COL5A3: variants seen among roughly 807,000 people sequenced by gnomAD.
COL5A3 encodes the protein collagen alpha-3(V) chain.
A neutral mutation model predicts 250.0 loss-of-function variants in COL5A3; 172 were observed. The observed-to-expected ratio is 0.69, with a 90% CI of 0.61 to 0.78. COL5A3 has a LOEUF of 0.78. Among genes scored for constraint, COL5A3 ranks in the 30% least tolerant of loss-of-function variants. COL5A3 has a pLI of 0.00. For missense variants in COL5A3, 2,340 were observed against 2,334.4 expected, an observed-to-expected ratio of 1.00 and a Z score of -0.05; for synonymous variants, 937 against 900.4, an observed-to-expected ratio of 1.04 and a Z score of -0.73.
Position 9,995,580 on chromosome 19 carries a change from C to G in COL5A3, c.1571G>C (p.Gly524Ala). 6.2e-7 allele frequency: 1 copy of G among 1,608,020 alleles called. No homozygotes were observed. Among genetic ancestry groups the G allele is most frequent in the Non-Finnish European group, 8.5e-7 (1 of 1,176,620 alleles). Residue 524 changes from glycine (G) to alanine (A), a missense_variant, in exon 16 of 67, where the codon GGC (glycine) becomes GCC (alanine). Physicochemically the swap from Gly to Ala is moderately conservative, Grantham distance 60. Coordinates refer to ENST00000264828, the MANE Select transcript of COL5A3 (RefSeq NM_015719.4). ...RGLQGPHGPP[G>A]RVGKMGRPGA... is the part of the protein sequence containing the mutation. Reference sequence around the variant, plus strand: ...GTCACTCACCATCTTGCCCACTCGGCCAGGGGGTCCATGAGGTCCCTGCAG... The same window carrying G: ...GTCACTCACCATCTTGCCCACTCGGGCAGGGGGTCCATGAGGTCCCTGCAG...
chr19:9,979,805 A>AT, intron 37 of COL5A3, 34 bp downstream of exon 37: 1 of 1,522,044 alleles, frequency 6.6e-7, no homozygotes, highest in Non-Finnish European at 8.9e-7. Context: ...AAAAAAAAAA[A>AT]GGATCAGGAA....
intron 65 of COL5A3, among the ~76,000 whole-genome samples, chr19:9,961,581 C>T (rs1301984472): frequency 2.2e-5 from 3 of 135,652 alleles, no homozygotes; most frequent in African/African-American, 5.8e-5. Context: ...TTTTTTGAGA[C>T]GGAGTCTTGC....
At chr19:9,975,966 G>A (rs2086914456) in intron 45 of COL5A3, among the ~76,000 whole-genome samples, 1 of 150,686 alleles carries the variant, frequency 6.6e-6, no homozygotes, top group Non-Finnish European at 1.5e-5. Flanking sequence ...ACACGGTTGG[G>A]TCGGGATTGA....
chr19:9,961,083 C>T (rs1345081859), intron 65 of COL5A3, among the ~76,000 whole-genome samples, 193 bp from the exon 66 acceptor site: 1 of 152,166 alleles, frequency 6.6e-6, no homozygotes, highest in African/African-American at 2.4e-5. Flanking sequence ...CTCTGTCCAC[C>T]TCTCCATCCA....
rs2087429162 is a variant in COL5A3 at position 10,005,554 on chromosome 19, C to T, written c.594+4G>A. The T allele has an allele frequency of 6.2e-7, 1 of 1,614,030 alleles. No homozygotes were observed. Among genetic ancestry groups the T allele is most frequent in the South Asian group, 1.1e-5 (1 of 91,088 alleles). On this transcript the variant is annotated splice_donor_region_variant and intron_variant, in intron 4 of 66. Coordinates refer to ENST00000264828, the MANE Select transcript of COL5A3 (RefSeq NM_015719.4). ...CTCAGTTTCCCCCATCACTGAACTC[C>T]TACCTCGAAAGTCTTTTCCCCAAGG... is the stretch of plus-strand genomic sequence containing the variant.
chr19:10,006,979 C>A (rs944345818), intron 1 of COL5A3, among the ~76,000 whole-genome samples: 1 of 151,362 alleles, frequency 6.6e-6, no homozygotes, highest in Non-Finnish European at 1.5e-5. Flanking sequence ...TCAGACTTTG[C>A]CCTCTGACCT....
In COL5A3 at chr19:9,998,002, T is replaced by A; in HGVS notation, c.1182A>T (p.Pro394=). Residue 394 remains proline, a synonymous_variant, in exon 10 of 67, where the codon CCA becomes CCT. Transcript: ENST00000264828. ...GACTTACTTGGGGTCCTGGGGCTCCTGGAGGTCCCTCAAACTGCTGCCCCT... is the reference window on the plus strand; with the variant it reads ...GACTTACTTGGGGTCCTGGGGCTCCAGGAGGTCCCTCAAACTGCTGCCCCT... ...IEKGQQFEGP[P]GAPGPQGVVG... is the part of the protein sequence containing the mutation. 1.2e-6 allele frequency: 2 copies of A among 1,614,084 alleles called. No homozygotes were observed. The highest frequency in any genetic ancestry group is 1.7e-6 in the Non-Finnish European group (2 of 1,180,012).
intron 31 of COL5A3, among the ~76,000 whole-genome samples, chr19:9,982,366 C>A (rs1384803626): frequency 6.6e-6 from 1 of 152,126 alleles, no homozygotes; most frequent in Non-Finnish European, 1.5e-5. Flanking sequence ...TCCTAGGCCT[C>A]CACAAAGTCA....
Position 9,996,498 on chromosome 19 carries a change from A to G in COL5A3, c.1357T>C (p.Ser453Pro). 1 of 1,614,026 alleles carries G rather than the reference A, an allele frequency of 6.2e-7. No individual in the cohort carries two copies. Among genetic ancestry groups the G allele is most frequent in the Non-Finnish European group, 8.5e-7 (1 of 1,179,978 alleles). Residue 453 changes from serine to proline, a missense_variant, in exon 13 of 67, where the codon TCC (serine) becomes CCC (proline). This residue lies in a region of COL5A3 where 1,152 missense variants were observed against 1,146.3 expected (regional missense o/e 1.00). Transcript: ENST00000264828. ...IMMPFQFAGG[S>P]FKGPPVSFQQ... ...AATGAGACTGGGGGGCCTTTAAAGG[A>G]GCCGCCTGCAAACTGGAACTGGGAG...
rs373180563 is a variant in COL5A3 at position 9,962,833 on chromosome 19, G to A, written c.4837C>T (p.Arg1613Cys). The change falls in exon 65 of 67, where the codon CGT becomes TGT. Residue 1613 changes from arginine (R) to cysteine (C), a missense_variant. Around this residue, in one of 3 missense-constraint regions of COL5A3, gnomAD observed 1,179 missense variants for 1,162.6 expected, o/e 1.01. Transcript: ENST00000264828. ...CGGTGACTCACCTTCTTCCCTCGAC[G>A]GAATGTGCTATACCAGCCTCCAGGC... is the stretch of plus-strand genomic sequence containing the variant. ...EKPGGWYSTF[R>C]RGKKFSYVDA... The A allele has an allele frequency of 1.4e-5, 23 of 1,610,494 alleles. No individual in the cohort carries two copies. Among genetic ancestry groups the A allele is most frequent in the Admixed American group, 5.0e-5 (3 of 59,618 alleles).
rs560269596 is a variant in COL5A3, at chr19:9,997,910, C to T, written c.1200+74G>A. The T allele has an allele frequency of 5.8e-6, 9 of 1,544,528 alleles. No individual in the cohort carries two copies. The African/African-American group carries it at 8.2e-5, about 14-fold the overall frequency. ...GGCCAGGCAACATTACACCCCAACT[C>T]CTCACTCCAGGGGATTAAACACCCC... On this transcript the variant is annotated intron_variant, in intron 10 of 66. Coordinates refer to ENST00000264828, the MANE Select transcript of COL5A3 (RefSeq NM_015719.4).
Position 9,968,484 on chromosome 19 carries a change from A to G in COL5A3, c.4215T>C (p.Ile1405=). 4.4e-6 allele frequency: 7 copies of G among 1,585,254 alleles called. No homozygotes were observed. The highest frequency in any genetic ancestry group is 6.0e-6 in the Non-Finnish European group (7 of 1,171,810). ...DTGPKGEKGH[I]GLIGLIGPPG... is the part of the protein sequence containing the mutation. ...GGGGGCCAATGAGACCGATCAATCC[A>G]ATGTGGCCCTGAAGGACAAAAGAGG... is the stretch of plus-strand genomic sequence containing the variant. The change falls in exon 59 of 67, where the codon ATT becomes ATC. Residue 1405 remains isoleucine, a synonymous_variant. Coordinates refer to ENST00000264828, the MANE Select transcript of COL5A3 (RefSeq NM_015719.4). The surrounding 1 kb of genome is among the most constrained non-coding windows in gnomAD (Gnocchi z 4.1).
chr19:9,998,419 G>A (rs3745597), intron 8 of COL5A3, among the ~76,000 whole-genome samples: 83,511 of 151,972 alleles, frequency 0.55, 24,503 homozygotes, highest in African/African-American at 0.76. Flanking sequence ...CTTACTAACT[G>A]AGTGATCTAA....
Position 9,960,874 on chromosome 19 carries a change from G to T in COL5A3, c.4868C>A (p.Ala1623Asp). ...RRGKKFSYVD[A>D]DGSPVNVVQL... The stretch of plus-strand genomic sequence containing the variant: ...CACGACATTCACTGGGGACCCGTCG[G>T]CGTCCACGTAGGAGAACTGGTGAGA... The change falls in exon 66 of 67, where the codon GCC becomes GAC. Residue 1623 changes from alanine to aspartate, a missense_variant. This residue lies in a region of COL5A3 where 1,179 missense variants were observed against 1,162.6 expected (regional missense o/e 1.01). Coordinates refer to ENST00000264828, the MANE Select transcript of COL5A3 (RefSeq NM_015719.4). The T allele has an allele frequency of 6.2e-7, 1 of 1,606,542 alleles. No individual in the cohort carries two copies.
chr19:9,984,498 TAA>T (rs879660372), intron 31 of COL5A3, among the ~76,000 whole-genome samples: 37 of 152,236 alleles, frequency 2.4e-4, no homozygotes, highest in South Asian at 1.0e-3. Flanking sequence ...CATTTGACTA[TAA>T]GTTATAATTA....
intron 8 of COL5A3, 76 bp downstream of exon 8, chr19:10,001,448 A>G: frequency 6.8e-7 from 1 of 1,477,360 alleles, no homozygotes; most frequent in East Asian, 2.4e-5. Flanking sequence ...CGCCCTGCCT[A>G]AATAAATAAA....
intron 6 of COL5A3, 106 bp from the exon 7 acceptor site, chr19:10,001,987 C>T: frequency 1.3e-6 from 1 of 742,408 alleles, no homozygotes; most frequent in South Asian, 1.8e-5. Flanking sequence ...GGGACAGGGA[C>T]AGAGGAGGCT....
chr19:9,970,412 AGTGGGGGCTGTAAG>A (rs2086823074), intron 54 of COL5A3, among the ~76,000 whole-genome samples, 196 bp downstream of exon 54: 1 of 36,726 alleles, frequency 2.7e-5, no homozygotes. Flanking sequence ...CTGTGGGGTG[AGTGGGGGCTGTAAG>A]GTGAGTGGGG....
intron 51 of COL5A3, among the ~76,000 whole-genome samples, chr19:9,972,633 C>T (rs3745587): frequency 2.6e-5 from 4 of 151,176 alleles, no homozygotes; most frequent in African/African-American, 9.9e-5. Context: ...GTCAGGAGAT[C>T]GAGACCATCC....
Sources: gnomAD v4.1 joint callset for allele counts (sites outside exome capture counted in the v4.1 genomes callset) on GRCh38, gnomAD v4.1.1 for gene constraint, gnomAD v4.1.1 regional missense constraint, Gnocchi (gnomAD v3.1) non-coding constraint, MANE v1.5 for transcripts, NCBI Gene and HGNC (gene_info 2026-07-23, HGNC 2026-07-21) for gene names.